Variants in TRUB1 observed in about 807,000 individuals in gnomAD.
TRUB1 encodes the protein TruB pseudouridine synthase family member 1, also known as pseudouridylate synthase TRUB1.
A neutral mutation model predicts 33.9 loss-of-function variants in TRUB1; 23 were observed. The observed-to-expected ratio is 0.68, with a 90% CI of 0.49 to 0.96. TRUB1 has a LOEUF of 0.96. TRUB1 is among the 40% of genes least tolerant of loss of function. TRUB1 has a pLI of 0.00. For missense variants in TRUB1, 378 were observed against 422.2 expected (o/e 0.90, Z 0.92); for synonymous variants, 163 against 165.4 (o/e 0.99, Z 0.11).
intron 4 of TRUB1, among the ~76,000 whole-genome samples, chr10:114,961,098 T>C (rs2084283387): frequency 2.0e-5 from 3 of 152,162 alleles, no homozygotes; most frequent in Admixed American, 1.3e-4. Flanking sequence ...TGAAATTTTC[T>C]TAGTCTCTTT....
At position 114,977,115 on chromosome 10, in the gene TRUB1, G is replaced by A. The variant is rs1380178367; in HGVS notation, c.*1736G>A. 1 of 152,022 alleles carries A rather than the reference G, an allele frequency of 6.6e-6. No individual in the cohort carries two copies. Among genetic ancestry groups the A allele is most frequent in the African/African-American group, 2.4e-5 (1 of 41,432 alleles). The allele number at this position is 152,022 out of a possible 1,614,324, so 9.4% of individuals were successfully genotyped here. On this transcript the variant is annotated 3_prime_UTR_variant, in exon 8 of 8. Transcript: ENST00000298746. ...TACTAATAGAGGAGTAGAGATTGTTGACCATTTTTAAAAAACGATAGCCAC... is the reference window on the plus strand; with the variant it reads ...TACTAATAGAGGAGTAGAGATTGTTAACCATTTTTAAAAAACGATAGCCAC...
intron 4 of TRUB1, among the ~76,000 whole-genome samples, chr10:114,960,351 G>A (rs1427637410): frequency 6.6e-6 from 1 of 152,126 alleles, no homozygotes. Flanking sequence ...CTACCGTAAG[G>A]AAGAATAGAT....
intron 2 of TRUB1, among the ~76,000 whole-genome samples, chr10:114,950,424 AC>A: frequency 6.6e-6 from 1 of 152,212 alleles, no homozygotes; most frequent in Non-Finnish European, 1.5e-5. Context: ...TTCTATACTT[AC>A]AAAAATGTGG....
chr10:114,975,079 A>T, intron 7 of TRUB1, 44 bp from the exon 8 acceptor site: 1 of 1,568,534 alleles, frequency 6.4e-7, no homozygotes. Flanking sequence ...GAAATACTGA[A>T]TCGTTTATCT....
intron 3 of TRUB1, among the ~76,000 whole-genome samples, chr10:114,957,730 C>T (rs1011409826): frequency 2.0e-5 from 3 of 152,158 alleles, no homozygotes; most frequent in Non-Finnish European, 2.9e-5. Flanking sequence ...GCATTGCATA[C>T]TTGGGAAACA....
chr10:114,968,005 T>G (rs2084318179), intron 4 of TRUB1, among the ~76,000 whole-genome samples: 1 of 152,166 alleles, frequency 6.6e-6, no homozygotes, highest in Non-Finnish European at 1.5e-5. Flanking sequence ...GAGTGCCATT[T>G]TAATAGTGTA....
intron 3 of TRUB1, among the ~76,000 whole-genome samples, chr10:114,953,110 A>C (rs1260573275): frequency 6.6e-6 from 1 of 152,210 alleles, no homozygotes; most frequent in African/African-American, 2.4e-5. Context: ...TATATTACTG[A>C]AAGATTTTAC....
At chr10:114,962,248 G>T (rs1234879681) in intron 4 of TRUB1, among the ~76,000 whole-genome samples, 6 of 152,106 alleles carry the variant, frequency 3.9e-5, no homozygotes, top group Admixed American at 3.9e-4. Flanking sequence ...TAGAGGCAGG[G>T]TTTCACTTTG....
chr10:114,947,856 T>C (rs948318445), intron 2 of TRUB1, among the ~76,000 whole-genome samples: 2 of 152,206 alleles, frequency 1.3e-5, no homozygotes, highest in East Asian at 3.8e-4. Flanking sequence ...GTTTGTTTTG[T>C]TTTTAGTTTT....
In TRUB1 at chr10:114,976,104, T is replaced by A. The variant is rs941794051; in HGVS notation, c.*725T>A. 1.3e-5 allele frequency: 2 copies of A among 152,624 alleles called. No individual in the cohort carries two copies. The highest frequency in any genetic ancestry group is 4.8e-5 in the African/African-American group (2 of 41,460). 9.5% of individuals were successfully genotyped at this position (152,624 alleles called of 1,614,324 possible). A position where few individuals can be genotyped will look rare whatever the true frequency, so the allele number is the denominator to read the frequency against. On this transcript the variant is annotated 3_prime_UTR_variant, in exon 8 of 8. Coordinates refer to ENST00000298746, the MANE Select transcript of TRUB1 (RefSeq NM_139169.5). ...GTATTTTGGCAGCTATGAGATATTT[T>A]CATGGTAATGTCAACATGGTCAAGC...
chr10:114,957,465 C>T (rs192329783), intron 3 of TRUB1, among the ~76,000 whole-genome samples: 2 of 152,334 alleles, frequency 1.3e-5, no homozygotes. Flanking sequence ...TTTGGACATT[C>T]ATAGTCCTTA....
In TRUB1 at chr10:114,938,261, C is replaced by A; in HGVS notation, c.8C>A (p.Ala3Asp). MA[A>D]SEAAVVSSPS... ...GGTCTGGGCTACAAAAGTATGGCCG[C>A]TTCTGAGGCGGCGGTGGTGTCTTCG... Residue 3 changes from alanine (A) to aspartate (D), a missense_variant, in exon 1 of 8, where the codon GCT becomes GAT. Transcript: ENST00000298746. The A allele has an allele frequency of 6.2e-7, 1 of 1,614,204 alleles. No individual in the cohort carries two copies. Among genetic ancestry groups the A allele is most frequent in the Non-Finnish European group, 8.5e-7 (1 of 1,180,020 alleles).
intron 2 of TRUB1, among the ~76,000 whole-genome samples, chr10:114,950,760 CGT>C (rs1200726129): frequency 1.6e-4 from 24 of 152,090 alleles, no homozygotes; most frequent in Admixed American, 7.2e-4. Context: ...TTAATTGTGC[CGT>C]GTGTTTTTCA....
At chr10:114,961,525 A>G (rs2084285215) in intron 4 of TRUB1, among the ~76,000 whole-genome samples, 1 of 152,204 alleles carries the variant, frequency 6.6e-6, no homozygotes, top group African/African-American at 2.4e-5. Flanking sequence ...AAAAAGCTCT[A>G]TGCTGTATTA....
chr10:114,960,159 TA>T (rs11437542), intron 4 of TRUB1, among the ~76,000 whole-genome samples: 19 of 150,826 alleles, frequency 1.3e-4, no homozygotes, highest in African/African-American at 4.6e-4. Flanking sequence ...GTCTTGCCAT[TA>T]AAAAAAAATA....
At position 114,977,639 on chromosome 10, in the gene TRUB1, G is replaced by T. The variant is rs561412799; in HGVS notation, c.*2260G>T. 3.3e-5 allele frequency: 5 copies of T among 151,852 alleles called. No individual in the cohort carries two copies. Among genetic ancestry groups the T allele is most frequent in the African/African-American group, 1.2e-4 (5 of 41,486 alleles). 9.4% of individuals were successfully genotyped at this position (151,852 alleles called of 1,614,324 possible). ...TTTATGTGATTTATCTGTATACTTTGTTCATTTATATAAATAAATGTCTTA... is the reference window on the plus strand; with the variant it reads ...TTTATGTGATTTATCTGTATACTTTTTTCATTTATATAAATAAATGTCTTA... On this transcript the variant is annotated 3_prime_UTR_variant, in exon 8 of 8. Coordinates refer to ENST00000298746, the MANE Select transcript of TRUB1 (RefSeq NM_139169.5).
chr10:114,964,448 A>C (rs1055060447), intron 4 of TRUB1, among the ~76,000 whole-genome samples: 3 of 151,896 alleles, frequency 2.0e-5, no homozygotes, highest in African/African-American at 4.8e-5. Flanking sequence ...TCTTTTGCCT[A>C]TGTGTGTTGC....
chr10:114,956,388 A>G (rs1195188367), intron 3 of TRUB1, among the ~76,000 whole-genome samples: 1 of 152,200 alleles, frequency 6.6e-6, no homozygotes, highest in Non-Finnish European at 1.5e-5. Flanking sequence ...ACTCCATAAG[A>G]TAAAATGTTA....
chr10:114,972,101 T>C, intron 5 of TRUB1, 34 bp from the exon 6 acceptor site: 1 of 1,609,792 alleles, frequency 6.2e-7, no homozygotes, highest in East Asian at 2.2e-5. Flanking sequence ...CTTGCTCTCC[T>C]TTCCTTCCAT....
Sources: allele counts gnomAD v4.1 joint callset (sites outside exome capture counted in the v4.1 genomes callset), GRCh38; gene constraint gnomAD v4.1.1; transcripts MANE v1.5; gene names NCBI Gene and HGNC (gene_info 2026-07-23, HGNC 2026-07-21).